NRN1: variants seen among roughly 807,000 people sequenced by gnomAD.
The protein encoded by NRN1 is neuritin 1, also known as neuritin.
NRN1 carries 4 observed loss-of-function variants against 15.0 expected under a neutral mutation model. The ratio of observed to expected loss-of-function variants is 0.27; its 90% confidence interval spans 0.13 to 0.61. NRN1 has a LOEUF of 0.61. Among genes scored for constraint, NRN1 ranks in the 20% least tolerant of loss-of-function variants. The pLI, the probability that NRN1 is intolerant of heterozygous loss-of-function variation, is 0.87. For missense variants in NRN1, 134 were observed against 181.9 expected, an observed-to-expected ratio of 0.74 and a Z score of 1.51; for synonymous variants, 85 against 79.8, an observed-to-expected ratio of 1.07 and a Z score of -0.35.
At chr6:6,001,562 T>C (rs1757946067) in intron 2 of NRN1, among the ~76,000 whole-genome samples, 1 of 152,194 alleles carries the variant, frequency 6.6e-6, no homozygotes, top group Non-Finnish European at 1.5e-5. Context: ...TACCCATCTC[T>C]CTTTACCTTT....
In NRN1 at chr6:5,999,106, T is replaced by C; in HGVS notation, c.299A>G (p.Asn100Ser). ...MWDKLRKESK[N>S]LNIQGSLFEL... is the part of the protein sequence containing the mutation. ...GAATAAGCTGCCTTGGATGTTGAGGTTTTTGGATTCTTTTCTCAGTTTATC... is the reference window on the plus strand; with the variant it reads ...GAATAAGCTGCCTTGGATGTTGAGGCTTTTGGATTCTTTTCTCAGTTTATC... Residue 100 changes from asparagine (N) to serine (S), a missense_variant, in exon 3 of 3, where the codon AAC (asparagine) becomes AGC (serine). Asn to Ser is a conservative substitution (Grantham distance 46). Coordinates refer to ENST00000244766, the MANE Select transcript of NRN1 (RefSeq NM_016588.3). The C allele has an allele frequency of 6.2e-7, 1 of 1,614,056 alleles. No individual in the cohort carries two copies. The highest frequency in any genetic ancestry group is 8.5e-7 in the Non-Finnish European group (1 of 1,179,974).
intron 2 of NRN1, 24 bp downstream of exon 2, chr6:6,002,329 C>G: frequency 6.2e-7 from 1 of 1,611,154 alleles, no homozygotes; most frequent in South Asian, 1.1e-5. Flanking sequence ...AACCGAAGTC[C>G]AGCCGGCCAG....
chr6:5,999,260 AC>A, intron 2 of NRN1, 56 bp from the exon 3 acceptor site: 1 of 1,490,696 alleles, frequency 6.7e-7, no homozygotes, highest in Non-Finnish European at 9.3e-7. Context: ...CGCCGGGAAC[AC>A]CCCGGGCTTG....
intron 1 of NRN1, among the ~76,000 whole-genome samples, chr6:6,006,134 T>G (rs1758103553): frequency 6.6e-6 from 1 of 152,066 alleles, no homozygotes; most frequent in African/African-American, 2.4e-5. Flanking sequence ...AAGTTCCCTA[T>G]CACTCTCGAT....
In NRN1 at chr6:5,998,955, C is replaced by A. The variant is rs1000007703; in HGVS notation, c.*21G>T. ...CATGGAGTGAGTGTGGGTGGGCGCG[C>A]GGGGGGAGCTGGCCCCACGCTCAGA... On this transcript the variant is annotated 3_prime_UTR_variant, in exon 3 of 3. Transcript: ENST00000244766. The A allele has an allele frequency of 1.3e-6, 2 of 1,577,618 alleles. No individual in the cohort carries two copies. Among genetic ancestry groups the A allele is most frequent in the Non-Finnish European group, 1.7e-6 (2 of 1,154,838 alleles).
intron 1 of NRN1, among the ~76,000 whole-genome samples, chr6:6,005,556 T>C (rs1434891410): frequency 6.6e-6 from 1 of 152,214 alleles, no homozygotes; most frequent in Non-Finnish European, 1.5e-5. Flanking sequence ...ACATTTCTTA[T>C]GGAAAAAACA....
At chr6:6,004,951 G>A (rs566815639) in intron 1 of NRN1, among the ~76,000 whole-genome samples, 1 of 144,696 alleles carries the variant, frequency 6.9e-6, no homozygotes, top group South Asian at 2.3e-4. Context: ...CTTGCCAAAT[G>A]TCAATGATTT....
Position 6,001,660 on chromosome 6 carries a change from C to G in NRN1, c.200+693G>C, listed in dbSNP as rs141286294. Among the ~76,000 whole-genome samples the G allele has an allele frequency of 2.1e-4, 32 of 152,320 alleles. 1 individual carries two copies. The highest frequency in any genetic ancestry group is 6.2e-4 in the South Asian group (3 of 4,828). On this transcript the variant is annotated intron_variant, in intron 2 of 2. Coordinates refer to ENST00000244766, the MANE Select transcript of NRN1 (RefSeq NM_016588.3). Reference sequence around the variant, plus strand: ...TGCCTATTCCAAATCTCGGAATCTGCTGTAAACTCAAAGCGACTATCACTG... The same window carrying G: ...TGCCTATTCCAAATCTCGGAATCTGGTGTAAACTCAAAGCGACTATCACTG...
intron 1 of NRN1, chr6:6,003,794 C>G: frequency 8.1e-7 from 1 of 1,234,042 alleles, no homozygotes; most frequent in Non-Finnish European, 1.0e-6. Flanking sequence ...CCAAAGCAGC[C>G]CGGGCGCCGG....
Position 6,006,808 on chromosome 6 carries a change from G to T in NRN1, c.-59C>A. On this transcript the variant is annotated 5_prime_UTR_variant, in exon 1 of 3. Coordinates refer to ENST00000244766, the MANE Select transcript of NRN1 (RefSeq NM_016588.3). The stretch of plus-strand genomic sequence containing the variant: ...CCTTTAAATAGTTAGTTTAGAGAAC[G>T]CGGGGGAAAGCCAAAAAATAGGCAT... The T allele has an allele frequency of 6.5e-7, 1 of 1,539,732 alleles. No homozygotes were observed. The highest frequency in any genetic ancestry group is 9.0e-7 in the Non-Finnish European group (1 of 1,112,410).
intron 1 of NRN1, chr6:6,003,878 C>T (rs1758036400): frequency 1.6e-6 from 2 of 1,231,580 alleles, no homozygotes; most frequent in Non-Finnish European, 2.0e-6. Context: ...CGCACTGGCG[C>T]CCACGACCCT....
intron 2 of NRN1, 43 bp from the exon 3 acceptor site, chr6:5,999,247 G>A: frequency 6.5e-7 from 1 of 1,544,784 alleles, no homozygotes; most frequent in Non-Finnish European, 8.9e-7. Flanking sequence ...GGTTCACTTG[G>A]GACGCCGGGA....
chr6:5,999,328 ACCTT>A, intron 2 of NRN1, 124 bp from the exon 3 acceptor site: 1 of 758,280 alleles, frequency 1.3e-6, no homozygotes, highest in South Asian at 1.6e-5. Context: ...TCCCCTCCCT[ACCTT>A]CTCTTCACCG....
chr6:5,999,460 G>A (rs916984499), intron 2 of NRN1, among the ~76,000 whole-genome samples: 1 of 152,240 alleles, frequency 6.6e-6, no homozygotes, highest in Non-Finnish European at 1.5e-5. Context: ...CCTTCCAGTT[G>A]CCGGGAGAGG....
chr6:6,003,254 T>G (rs1758011402), intron 1 of NRN1: 1 of 1,234,452 alleles, frequency 8.1e-7, no homozygotes, highest in Non-Finnish European at 1.0e-6. Flanking sequence ...TCCTGAGACC[T>G]GGCGCGGATG....
In NRN1 at chr6:5,999,113, A is replaced by C; in HGVS notation, c.292T>G (p.Ser98Ala). The C allele has an allele frequency of 1.9e-6, 3 of 1,614,158 alleles. No homozygotes were observed. The highest frequency in any genetic ancestry group is 2.5e-6 in the Non-Finnish European group (3 of 1,180,010). ...CTGCCTTGGATGTTGAGGTTTTTGG[A>C]TTCTTTTCTCAGTTTATCCCACATA... Reference protein sequence around the residue: ...KDMWDKLRKESKNLNIQGSLF... With the variant: ...KDMWDKLRKEAKNLNIQGSLF... Residue 98 changes from serine to alanine, a missense_variant, in exon 3 of 3, where the codon TCC becomes GCC. Coordinates refer to ENST00000244766, the MANE Select transcript of NRN1 (RefSeq NM_016588.3).
chr6:6,004,091 G>T, intron 1 of NRN1: 1 of 1,055,890 alleles, frequency 9.5e-7, no homozygotes, highest in Middle Eastern at 4.1e-4. Flanking sequence ...CAGGAAGAGC[G>T]AGGCGGGCCT....
chr6:6,001,435 A>G (rs1757942422), intron 2 of NRN1, among the ~76,000 whole-genome samples: 1 of 152,176 alleles, frequency 6.6e-6, no homozygotes, highest in Non-Finnish European at 1.5e-5. Flanking sequence ...GGTCTGCAGC[A>G]GCTAGATTGC....
Position 5,998,954 on chromosome 6 carries a change from G to A in NRN1, c.*22C>T. ...GCATGGAGTGAGTGTGGGTGGGCGCGCGGGGGGAGCTGGCCCCACGCTCAG... is the reference window on the plus strand; with the variant it reads ...GCATGGAGTGAGTGTGGGTGGGCGCACGGGGGGAGCTGGCCCCACGCTCAG... On this transcript the variant is annotated 3_prime_UTR_variant, in exon 3 of 3. Transcript: ENST00000244766. The A allele has an allele frequency of 2.5e-6, 4 of 1,573,892 alleles. No homozygotes were observed. The highest frequency in any genetic ancestry group is 1.3e-5 in the African/African-American group (1 of 74,426).
Sources: allele counts gnomAD v4.1 joint callset (sites outside exome capture counted in the v4.1 genomes callset), GRCh38; gene constraint gnomAD v4.1.1; transcripts MANE v1.5; gene names NCBI Gene and HGNC (gene_info 2026-07-23, HGNC 2026-07-21).